The following GBE1 variants were observed in gnomAD, a reference collection of about 807,000 sequenced individuals.
GBE1 encodes 1,4-alpha-glucan branching enzyme 1.
GBE1 carries 70 observed loss-of-function variants against 88.8 expected under a neutral mutation model. The observed-to-expected ratio is 0.79, with a 90% CI of 0.65 to 0.96. The LOEUF is 0.96. GBE1 is among the 40% of genes least tolerant of loss of function. GBE1 has a pLI of 0.00. For synonymous variants in GBE1, 284 were observed against 300.1 expected (o/e 0.95, Z 0.56); for missense variants, 872 against 871.0 (o/e 1.00, Z -0.01).
chr3:81,556,970 C>T (rs1330278420), intron 12 of GBE1, among the ~76,000 whole-genome samples: 1 of 152,028 alleles, frequency 6.6e-6, no homozygotes, highest in Non-Finnish European at 1.5e-5. Context: ...AAATAAAAAG[C>T]ATCAACATAA....
At chr3:81,758,932 G>C (rs2107246827) in intron 1 of GBE1, among the ~76,000 whole-genome samples, 1 of 152,270 alleles carries the variant, frequency 6.6e-6, no homozygotes, top group South Asian at 2.1e-4. Context: ...TGAATCATGG[G>C]GGCAGGTCTT....
chr3:81,701,587 T>C (rs928746719), intron 2 of GBE1, among the ~76,000 whole-genome samples: 15 of 151,990 alleles, frequency 9.9e-5, no homozygotes, highest in Admixed American at 5.3e-4. Context: ...ATTCACAATC[T>C]AGTTAGTACC....
intron 7 of GBE1, among the ~76,000 whole-genome samples, chr3:81,610,543 G>T (rs966766000): frequency 6.6e-6 from 1 of 152,032 alleles, no homozygotes; most frequent in Admixed American, 6.6e-5. Flanking sequence ...GAGAAATTGG[G>T]GGTGGCATAT....
intron 1 of GBE1, among the ~76,000 whole-genome samples, chr3:81,746,040 A>G (rs1706416177): frequency 6.6e-6 from 1 of 152,222 alleles, no homozygotes. Context: ...GTTAAGATTT[A>G]ACCAATTCAT....
chr3:81,646,344 A>C (rs376865713), intron 6 of GBE1, 48 bp downstream of exon 6: 1 of 1,192,080 alleles, frequency 8.4e-7, no homozygotes, highest in Non-Finnish European at 1.2e-6. Flanking sequence ...TGTTTCTTTA[A>C]ATTATTGGCT....
intron 2 of GBE1, among the ~76,000 whole-genome samples, chr3:81,704,874 G>A (rs375385330): frequency 1.3e-5 from 2 of 151,994 alleles, no homozygotes; most frequent in East Asian, 1.9e-4. Context: ...TTTCCATAGC[G>A]TTAACTCTGT....
chr3:81,637,127 A>C (rs1446379144), intron 7 of GBE1, among the ~76,000 whole-genome samples: 1 of 152,128 alleles, frequency 6.6e-6, no homozygotes, highest in African/African-American at 2.4e-5. Context: ...AAATAGAACA[A>C]TTATAATAAT....
rs1703220659 is a variant in GBE1, at chr3:81,547,475, A to G, written c.1619-10380T>C. ...TTTCCTCCCTCAAAGGGGAAATTCG[A>G]TAATTTTCCTCTTTGTTGCAGCTTG... is the stretch of plus-strand genomic sequence containing the variant. On this transcript the variant is annotated intron_variant, in intron 12 of 15. Coordinates refer to ENST00000429644, the MANE Select transcript of GBE1 (RefSeq NM_000158.4). 1.3e-5 allele frequency among the ~76,000 whole-genome samples: 2 copies of G among 151,504 alleles called. 1 individual carries two copies. The highest frequency in any genetic ancestry group is 3.0e-5 in the Non-Finnish European group (2 of 67,654).
At chr3:81,604,066 T>G (rs1331240941) in intron 7 of GBE1, among the ~76,000 whole-genome samples, 1 of 152,122 alleles carries the variant, frequency 6.6e-6, no homozygotes, top group African/African-American at 2.4e-5. Flanking sequence ...TTCTTATTTT[T>G]TATATGAATG....
rs576704210 is a variant in GBE1, at chr3:81,492,736, T to C, written c.2053-2273A>G. Among the ~76,000 whole-genome samples, 797 of 147,500 alleles carry C rather than the reference T, an allele frequency of 5.4e-3. 5 individuals carry two copies. Among genetic ancestry groups the C allele is most frequent in the African/African-American group, 0.019 (732 of 39,434 alleles). On this transcript the variant is annotated intron_variant, in intron 15 of 15. Coordinates refer to ENST00000429644, the MANE Select transcript of GBE1 (RefSeq NM_000158.4). ...TCCTTCCTTCCTTCCTTCCTTCCTT[T>C]TCTTTCTTTCTTTTTTTTTTTACAT...
At position 81,642,625 on chromosome 3, in the gene GBE1, CA is replaced by C. The variant is rs1704701386; in HGVS notation, c.992+155del. ...ATATACCACAAATACATGTGCTATA[CA>C]AAACAAGGTAAAATCCCCTGTACAA... On this transcript the variant is annotated intron_variant, in intron 7 of 15. Transcript: ENST00000429644. The C allele has an allele frequency of 5.0e-6, 3 of 594,528 alleles. No homozygotes were observed. In the South Asian group the frequency reaches 6.4e-5, roughly 13 times the overall value. The allele number at this position is 594,528 out of a possible 1,614,324, so 36.8% of individuals were successfully genotyped here. A position where few individuals can be genotyped will look rare whatever the true frequency, so the allele number is the denominator to read the frequency against.
chr3:81,652,538 T>C (rs1704865129), intron 3 of GBE1, among the ~76,000 whole-genome samples: 1 of 152,220 alleles, frequency 6.6e-6, no homozygotes, highest in African/African-American at 2.4e-5. Context: ...CTCTTATTCA[T>C]GGAATTGCAA....
intron 7 of GBE1, among the ~76,000 whole-genome samples, chr3:81,623,937 C>G (rs1212702763): frequency 6.6e-6 from 1 of 152,078 alleles, no homozygotes. Flanking sequence ...TCCCAAAGTA[C>G]GAAAATTACA....
At chr3:81,555,140 C>T (rs1703329949) in intron 12 of GBE1, among the ~76,000 whole-genome samples, 1 of 152,224 alleles carries the variant, frequency 6.6e-6, no homozygotes, top group Non-Finnish European at 1.5e-5. Flanking sequence ...CTTCAGCTCT[C>T]TCGCTTTGCT....
chr3:81,505,660 A>T (rs898241892), intron 14 of GBE1, among the ~76,000 whole-genome samples: 1 of 152,132 alleles, frequency 6.6e-6, no homozygotes, highest in African/African-American at 2.4e-5. Flanking sequence ...TTCCAAATGC[A>T]GGAGTGGCAA....
intron 12 of GBE1, among the ~76,000 whole-genome samples, 166 bp from the exon 13 acceptor site, chr3:81,537,261 C>T (rs996862830): frequency 1.3e-4 from 19 of 151,930 alleles, no homozygotes; most frequent in African/African-American, 4.1e-4. Context: ...AAAAATAGCA[C>T]GGTCTAGCAC....
At chr3:81,686,338 G>A (rs1341340930) in intron 2 of GBE1, among the ~76,000 whole-genome samples, 1 of 152,142 alleles carries the variant, frequency 6.6e-6, no homozygotes, top group Non-Finnish European at 1.5e-5. Context: ...TACCTATATG[G>A]AGGCGGGAGG....
intron 1 of GBE1, among the ~76,000 whole-genome samples, chr3:81,750,549 A>ATATATG (rs1381670772): frequency 1.2e-5 from 1 of 82,916 alleles, no homozygotes; most frequent in Admixed American, 1.4e-4. Context: ...GTATATATAT[A>ATATATG]TGTATATATA....
chr3:81,687,433 GA>G (rs1280074205), intron 2 of GBE1, among the ~76,000 whole-genome samples: 1 of 152,136 alleles, frequency 6.6e-6, no homozygotes, highest in Non-Finnish European at 1.5e-5. Flanking sequence ...ATATTTTTAA[GA>G]AAATGATTGG....
Sources: allele counts gnomAD v4.1 joint callset (sites outside exome capture counted in the v4.1 genomes callset), GRCh38; gene constraint gnomAD v4.1.1; transcripts MANE v1.5; gene names NCBI Gene and HGNC (gene_info 2026-07-23, HGNC 2026-07-21).